The following PTPRT variants were observed in gnomAD, a reference collection of about 807,000 sequenced individuals.
PTPRT encodes the protein protein tyrosine phosphatase receptor type T.
In PTPRT, 56 loss-of-function variants were observed where a neutral mutation model predicts 176.8. The observed-to-expected ratio is 0.32, with a 90% CI of 0.26 to 0.40. The LOEUF (loss-of-function observed/expected upper bound fraction) is 0.40, where lower values mean the gene tolerates loss of function less well. Among genes scored for constraint, PTPRT ranks in the 10% least tolerant of loss-of-function variants. The pLI is 1.00. For missense variants in PTPRT, 1,540 were observed against 1,908.2 expected (o/e 0.81, Z 3.60); for synonymous variants, 783 against 739.0 (o/e 1.06, Z -0.96).
chr20:42,904,933 C>T lies in PTPRT; in HGVS notation c.89-19001G>A, dbSNP rs190143373. On this transcript the variant is annotated intron_variant, in intron 1 of 30. Coordinates refer to ENST00000373187, the MANE Select transcript of PTPRT (RefSeq NM_007050.6). ...AAATTAATTCAAGATGGATTAAAGA[C>T]TTAAATGTTAGACCTAAAACCATAA... Among the ~76,000 whole-genome samples the T allele has an allele frequency of 2.5e-3, 382 of 152,300 alleles. 1 individual carries two copies. Among genetic ancestry groups the T allele is most frequent in the African/African-American group, 8.7e-3 (362 of 41,558 alleles).
chr20:42,970,449 G>A (rs1982562010), intron 1 of PTPRT, among the ~76,000 whole-genome samples: 1 of 152,114 alleles, frequency 6.6e-6, no homozygotes, highest in African/African-American at 2.4e-5. Flanking sequence ...TACAGACCCT[G>A]GAGCTAGACA....
At chr20:42,584,507 A>T (rs1175017978) in intron 7 of PTPRT, among the ~76,000 whole-genome samples, 2 of 152,136 alleles carry the variant, frequency 1.3e-5, no homozygotes, top group Non-Finnish European at 2.9e-5. Flanking sequence ...AGTCAATCAG[A>T]GAGGTCTTCT....
At chr20:42,338,069 T>G (rs902523331) in intron 11 of PTPRT, among the ~76,000 whole-genome samples, 1 of 152,202 alleles carries the variant, frequency 6.6e-6, no homozygotes, top group African/African-American at 2.4e-5. Context: ...AGAGGCCACC[T>G]TTTTAGGTTC....
chr20:42,305,517 A>G (rs1475055876), intron 12 of PTPRT, among the ~76,000 whole-genome samples: 1 of 151,958 alleles, frequency 6.6e-6, no homozygotes, highest in Admixed American at 6.6e-5. Context: ...TTACAGTTAA[A>G]AATTTAGATT....
At chr20:42,098,372 G>A in intron 27 of PTPRT, 49 bp downstream of exon 27, 3 of 1,607,598 alleles carry the variant, frequency 1.9e-6, no homozygotes, top group Non-Finnish European at 2.5e-6. Context: ...TCCAGGTTTA[G>A]AGCATGGCCC....
intron 1 of PTPRT, among the ~76,000 whole-genome samples, chr20:43,154,468 G>C (rs1159103885): frequency 1.3e-5 from 2 of 152,170 alleles, no homozygotes; most frequent in Admixed American, 6.5e-5. Context: ...CTCCAGCTTT[G>C]TTATTTTTGT....
At chr20:42,059,797 C>T in the PTPRT span, among the ~76,000 whole-genome samples, 2 of 152,108 alleles carry the variant, frequency 1.3e-5, no homozygotes, top group South Asian at 2.1e-4. Context: ...CCGAGAAGCT[C>T]GAGGCTGGGG....
intron 12 of PTPRT, among the ~76,000 whole-genome samples, chr20:42,295,434 CTTGTCTTTCT>C (rs1374822191): frequency 6.6e-6 from 1 of 152,138 alleles, no homozygotes; most frequent in South Asian, 2.1e-4. Context: ...GCATGCTGTA[CTTGTCTTTCT>C]TGAAGGATCT....
chr20:42,306,166 G>GT (rs1477376199), intron 12 of PTPRT, among the ~76,000 whole-genome samples: 3 of 152,222 alleles, frequency 2.0e-5, no homozygotes, highest in Non-Finnish European at 4.4e-5. Context: ...TGTAGAAACT[G>GT]TAAGTGGATG....
In PTPRT at chr20:42,791,263, C is replaced by G. The variant is rs761607732; in HGVS notation, c.418G>C (p.Gly140Arg). 6.2e-7 allele frequency: 1 copy of G among 1,614,044 alleles called. No homozygotes were observed. The highest frequency in any genetic ancestry group is 8.5e-7 in the Non-Finnish European group (1 of 1,179,918). Residue 140 changes from glycine to arginine, a missense_variant, in exon 3 of 31, where the codon GGG becomes CGG. Coordinates refer to ENST00000373187, the MANE Select transcript of PTPRT (RefSeq NM_007050.6). ...PQGNPVWNVS[G>R]VVTEGWVKAE... ...TTCACCCAGCCCTCAGTGACGACCC[C>G]GGACACATTCCACACAGGGTTCCCT... is the stretch of plus-strand genomic sequence containing the variant.
intron 19 of PTPRT, among the ~76,000 whole-genome samples, chr20:42,125,725 G>A (rs1192253460): frequency 3.9e-5 from 6 of 152,180 alleles, no homozygotes; most frequent in East Asian, 1.9e-4. Context: ...AAGCAATTTC[G>A]TTTGTTGCCT....
At chr20:42,192,798 A>G (rs1991051934) in intron 16 of PTPRT, among the ~76,000 whole-genome samples, 1 of 152,088 alleles carries the variant, frequency 6.6e-6, no homozygotes, top group African/African-American at 2.4e-5. Context: ...CTACCCAGGG[A>G]TTGGTCTAGC....
At chr20:43,062,318 T>G (rs1383141367) in intron 1 of PTPRT, among the ~76,000 whole-genome samples, 1 of 152,220 alleles carries the variant, frequency 6.6e-6, no homozygotes, top group Non-Finnish European at 1.5e-5. Flanking sequence ...GCTTTGTCTT[T>G]TCCTGGCTGG....
chr20:42,227,477 T>C (rs564429656), intron 15 of PTPRT, among the ~76,000 whole-genome samples: 10 of 152,254 alleles, frequency 6.6e-5, no homozygotes, highest in South Asian at 2.1e-4. Flanking sequence ...TGCCTACCGA[T>C]TGGGGTCATT....
chr20:42,341,841 C>T (rs1600859240), intron 11 of PTPRT, among the ~76,000 whole-genome samples: 2 of 152,200 alleles, frequency 1.3e-5, no homozygotes, highest in Non-Finnish European at 2.9e-5. Flanking sequence ...ATAGAACACT[C>T]TTTCGATCTT....
the PTPRT span, among the ~76,000 whole-genome samples, chr20:42,054,948 T>C: frequency 6.6e-6 from 1 of 152,192 alleles, no homozygotes; most frequent in East Asian, 1.9e-4. Context: ...CTTAGAGATA[T>C]ACACTGTAGA....
At chr20:43,182,228 A>T (rs2146483950) in intron 1 of PTPRT, among the ~76,000 whole-genome samples, 1 of 152,260 alleles carries the variant, frequency 6.6e-6, no homozygotes, top group African/African-American at 2.4e-5. Context: ...AAGGGGGAGT[A>T]AAGCAAAATG....
chr20:42,136,964 C>T (rs1325655483), intron 18 of PTPRT, among the ~76,000 whole-genome samples: 1 of 152,162 alleles, frequency 6.6e-6, no homozygotes, highest in Non-Finnish European at 1.5e-5. Flanking sequence ...ATACCCACTT[C>T]CATCAGTCAT....
At position 42,306,246 on chromosome 20, in the gene PTPRT, A is replaced by G. The variant is rs541731084; in HGVS notation, c.2139+9477T>C. The stretch of plus-strand genomic sequence containing the variant: ...ACAAGGTGACACTTGGGGAATTTCT[A>G]TCTTACCTAAGGAGAGAAGTCTGGG... On this transcript the variant is annotated intron_variant, in intron 12 of 30. Coordinates refer to ENST00000373187, the MANE Select transcript of PTPRT (RefSeq NM_007050.6). Among the ~76,000 whole-genome samples the G allele has an allele frequency of 1.4e-4, 22 of 152,330 alleles. No individual in the cohort carries two copies. In the South Asian group the frequency reaches 3.3e-3, roughly 23 times the overall value.
Sources: allele counts gnomAD v4.1 joint callset (sites outside exome capture counted in the v4.1 genomes callset), GRCh38; gene constraint gnomAD v4.1.1; transcripts MANE v1.5; gene names NCBI Gene and HGNC (gene_info 2026-07-23, HGNC 2026-07-21).